HMGXB4: variants seen among roughly 807,000 people sequenced by gnomAD.
HMGXB4 encodes the protein HMG-box containing 4.
A neutral mutation model predicts 63.9 loss-of-function variants in HMGXB4; 27 were observed. The observed-to-expected ratio is 0.42, with a 90% CI of 0.31 to 0.58. The LOEUF (loss-of-function observed/expected upper bound fraction) is 0.58. Among genes scored for constraint, HMGXB4 ranks in the 20% least tolerant of loss-of-function variants. The probability of loss-of-function intolerance (pLI) is 0.13; values close to 1 mark genes in which losing one functional copy is unlikely to be tolerated. For missense variants in HMGXB4, 624 were observed against 700.7 expected, an observed-to-expected ratio of 0.89 and a Z score of 1.24; for synonymous variants, 264 against 265.3, an observed-to-expected ratio of 0.99 and a Z score of 0.05.
At position 35,291,408 on chromosome 22, in the gene HMGXB4, G is replaced by A. The variant is rs185676237; in HGVS notation, c.1639-1584G>A. ...ATACTTCACTGTTGGGGAACTACAG[G>A]GGTTTTTACAGTGGAAAGGGATGAG... On this transcript the variant is annotated intron_variant, in intron 9 of 10. Transcript: ENST00000216106. Among the ~76,000 whole-genome samples the A allele has an allele frequency of 3.3e-5, 5 of 152,222 alleles. No individual in the cohort carries two copies. The East Asian group carries it at 7.7e-4, about 23-fold the overall frequency.
the HMGXB4 span, among the ~76,000 whole-genome samples, chr22:35,251,161 G>A: frequency 4.5e-4 from 68 of 151,238 alleles, 1 homozygote; most frequent in South Asian, 0.012. Flanking sequence ...TGTAAGCTCC[G>A]CCTCCTAGGT....
At chr22:35,261,718 G>C (rs1319013998) in intron 1 of HMGXB4, 1 of 152,186 alleles carries the variant, frequency 6.6e-6, no homozygotes, top group Non-Finnish European at 1.5e-5. Context: ...GTCAACTGAT[G>C]TAAGGAGTGT....
At position 35,265,143 on chromosome 22, in the gene HMGXB4, A is replaced by C; in HGVS notation, c.755A>C (p.His252Pro). 4 of 1,614,172 alleles carry C rather than the reference A, an allele frequency of 2.5e-6. No individual in the cohort carries two copies. The part of the protein sequence containing the change: ...QSFLKTARKK[H>P]KSSSDAHSSP... ...TTTCTGAAAACAGCCCGGAAAAAGC[A>C]CAAGTCATCCTCAGACGCACATTCA... The change falls in exon 5 of 11, where the codon CAC (histidine) becomes CCC (proline). Residue 252 changes from histidine to proline, a missense_variant. Physicochemically the swap from His to Pro is moderately conservative, Grantham distance 77. Coordinates refer to ENST00000216106, the MANE Select transcript of HMGXB4 (RefSeq NM_001003681.3).
intron 5 of HMGXB4, among the ~76,000 whole-genome samples, chr22:35,270,248 G>C (rs1923525255): frequency 6.6e-6 from 1 of 152,094 alleles, no homozygotes; most frequent in East Asian, 1.9e-4. Context: ...TGTCAGATTA[G>C]CAGCGGCATT....
chr22:35,293,153 G>A (rs753597198), intron 10 of HMGXB4, 39 bp downstream of exon 10: 1 of 1,613,236 alleles, frequency 6.2e-7, no homozygotes. Flanking sequence ...GATCCATTGG[G>A]CGTCAGAGAT....
chr22:35,275,127 T>G (rs1923832129), intron 5 of HMGXB4, among the ~76,000 whole-genome samples: 1 of 148,006 alleles, frequency 6.8e-6, no homozygotes, highest in Non-Finnish European at 1.5e-5. Flanking sequence ...TTTTTTTTTT[T>G]TTTTTTTTTG....
At chr22:35,257,972 G>A (rs1183164254) in intron 1 of HMGXB4, 1 of 152,204 alleles carries the variant, frequency 6.6e-6, no homozygotes, top group Non-Finnish European at 1.5e-5. Context: ...CGCGATGCGG[G>A]GGTCCCTCGG....
chr22:35,265,198 C>T lies in HMGXB4; in HGVS notation c.810C>T (p.Asp270=), dbSNP rs745507094. ...CTGGCCCTGAAGGCTGTGGGTCTGA[C>T]GCCTCCCAGTTCGCAGAGTCCCACA... ...SSPGPEGCGS[D]ASQFAESHSA... The change falls in exon 5 of 11, where the codon GAC becomes GAT. Residue 270 remains aspartate (D), a synonymous_variant. Coordinates refer to ENST00000216106, the MANE Select transcript of HMGXB4 (RefSeq NM_001003681.3). The T allele has an allele frequency of 8.4e-5, 135 of 1,613,950 alleles. No individual in the cohort carries two copies. Among genetic ancestry groups the T allele is most frequent in the Middle Eastern group, 3.3e-4 (2 of 6,082 alleles).
intron 5 of HMGXB4, among the ~76,000 whole-genome samples, chr22:35,272,963 T>A (rs1232362914): frequency 6.6e-6 from 1 of 152,212 alleles, no homozygotes; most frequent in Admixed American, 6.5e-5. Context: ...CCCGTAATGT[T>A]GCCATTTCAG....
In HMGXB4 at chr22:35,294,034, C is replaced by G. The variant is rs145018325; in HGVS notation, c.*383C>G. On this transcript the variant is annotated 3_prime_UTR_variant, in exon 11 of 11. Transcript: ENST00000216106. The stretch of plus-strand genomic sequence containing the variant: ...TTATTTTCCAAGCTCAGTTGGACCT[C>G]CAGACCCATCACTGACCATTTGCCT... The G allele has an allele frequency of 8.9e-4, 139 of 155,724 alleles. No homozygotes were observed. Among genetic ancestry groups the G allele is most frequent in the African/African-American group, 3.2e-3 (133 of 41,628 alleles). 9.6% of individuals were successfully genotyped at this position (155,724 alleles called of 1,614,324 possible).
intron 5 of HMGXB4, among the ~76,000 whole-genome samples, chr22:35,277,411 C>T (rs1378549975): frequency 2.0e-5 from 3 of 152,182 alleles, no homozygotes; most frequent in Non-Finnish European, 4.4e-5. Context: ...GGCAATGGCA[C>T]CATCTTAGCT....
chr22:35,257,805 A>G (rs1389444680), intron 1 of HMGXB4, among the ~76,000 whole-genome samples: 1 of 151,948 alleles, frequency 6.6e-6, no homozygotes, highest in Non-Finnish European at 1.5e-5. Context: ...GAAGGCGGGA[A>G]AGCTGCGGGG....
chr22:35,273,286 G>A (rs1209866104), intron 5 of HMGXB4, among the ~76,000 whole-genome samples: 1 of 152,196 alleles, frequency 6.6e-6, no homozygotes, highest in African/African-American at 2.4e-5. Context: ...GGAGGAAGAA[G>A]CTATAATCTT....
chr22:35,245,144 C>A, the HMGXB4 span, among the ~76,000 whole-genome samples: 1 of 152,086 alleles, frequency 6.6e-6, no homozygotes, highest in African/African-American at 2.4e-5. Flanking sequence ...AATGCGGGGA[C>A]TACAGCTGTG....
intron 5 of HMGXB4, among the ~76,000 whole-genome samples, chr22:35,274,826 G>A (rs977924443): frequency 6.6e-6 from 1 of 152,156 alleles, no homozygotes; most frequent in African/African-American, 2.4e-5. Flanking sequence ...CTTATCTGCT[G>A]GTTTTCCTTT....
intron 6 of HMGXB4, among the ~76,000 whole-genome samples, chr22:35,284,995 G>C (rs76578976): frequency 0.047 from 7,188 of 152,292 alleles, 241 homozygotes; most frequent in Non-Finnish European, 0.067. Flanking sequence ...CTGCTCTAGG[G>C]AAATCCTTCT....
chr22:35,293,514 G>T, intron 10 of HMGXB4, 93 bp from the exon 11 acceptor site: 1 of 860,422 alleles, frequency 1.2e-6, no homozygotes, highest in South Asian at 1.4e-5. Flanking sequence ...AACTCCATTT[G>T]ATTTTTCTTA....
intron 6 of HMGXB4, among the ~76,000 whole-genome samples, chr22:35,285,342 C>T (rs1003788806): frequency 3.3e-5 from 5 of 152,090 alleles, no homozygotes; most frequent in Admixed American, 6.6e-5. Flanking sequence ...GTCAGGAGTT[C>T]GAGACCAGCC....
At chr22:35,263,659 A>G in intron 3 of HMGXB4, 137 bp from the exon 4 acceptor site, 1 of 651,904 alleles carries the variant, frequency 1.5e-6, no homozygotes, top group South Asian at 1.9e-5. Context: ...GAAAAGAAAA[A>G]TAAAACGTTA....
Sources: gnomAD v4.1 joint callset for allele counts (sites outside exome capture counted in the v4.1 genomes callset) on GRCh38, gnomAD v4.1.1 for gene constraint, MANE v1.5 for transcripts, NCBI Gene and HGNC (gene_info 2026-07-23, HGNC 2026-07-21) for gene names.